Variants in GPM6A observed in about 807,000 individuals in gnomAD.
GPM6A encodes glycoprotein M6A, also known as neuronal membrane glycoprotein M6-a.
A neutral mutation model predicts 32.1 loss-of-function variants in GPM6A; 7 were observed. The observed-to-expected ratio is 0.22, with a 90% CI of 0.12 to 0.41. The LOEUF (loss-of-function observed/expected upper bound fraction) is 0.41. Among genes scored for constraint, GPM6A ranks in the 10% least tolerant of loss-of-function variants. GPM6A has a pLI of 1.00. For missense variants in GPM6A, 235 were observed against 347.2 expected, an observed-to-expected ratio of 0.68 and a Z score of 2.57; for synonymous variants, 130 against 123.4, an observed-to-expected ratio of 1.05 and a Z score of -0.35.
chr4:175,896,971 G>C (rs1040245690), intron 1 of GPM6A, among the ~76,000 whole-genome samples: 1 of 151,924 alleles, frequency 6.6e-6, no homozygotes, highest in African/African-American at 2.4e-5. Context: ...AATTCAAGAT[G>C]ATTAACTCAA....
intron 1 of GPM6A, among the ~76,000 whole-genome samples, chr4:175,849,547 C>A (rs1736188428): frequency 6.6e-6 from 1 of 152,182 alleles, no homozygotes; most frequent in African/African-American, 2.4e-5. Flanking sequence ...TTTGTTACTG[C>A]AGCATAATCT....
chr4:175,691,885 A>G (rs73002115), intron 2 of GPM6A, among the ~76,000 whole-genome samples: 7,169 of 152,296 alleles, frequency 0.047, 200 homozygotes, highest in Non-Finnish European at 0.063. Flanking sequence ...GGTCAAGTTC[A>G]GAGTGAGATT....
intron 1 of GPM6A, among the ~76,000 whole-genome samples, chr4:175,749,273 G>A (rs536802526): frequency 1.1e-4 from 16 of 152,104 alleles, no homozygotes; most frequent in East Asian, 3.9e-4. Context: ...ATCACTGATC[G>A]CAGATCACCA....
chr4:175,664,228 G>C (rs950684684), intron 3 of GPM6A, among the ~76,000 whole-genome samples: 25 of 152,086 alleles, frequency 1.6e-4, no homozygotes, highest in Non-Finnish European at 2.4e-4. Context: ...GGATTTTCAG[G>C]GCAGTGAAAC....
intron 1 of GPM6A, among the ~76,000 whole-genome samples, chr4:175,844,197 T>G (rs1387948584): frequency 6.6e-6 from 1 of 152,228 alleles, no homozygotes; most frequent in African/African-American, 2.4e-5. Context: ...AAACCTTCAA[T>G]GCCATTTTAA....
chr4:175,656,504 T>C (rs1264840315), intron 3 of GPM6A, among the ~76,000 whole-genome samples: 1 of 152,172 alleles, frequency 6.6e-6, no homozygotes, highest in Admixed American at 6.5e-5. Flanking sequence ...ATGTAATTAT[T>C]GTTTTGATGT....
chr4:175,827,486 G>A (rs141072576), intron 1 of GPM6A, among the ~76,000 whole-genome samples: 1 of 152,172 alleles, frequency 6.6e-6, no homozygotes, highest in Non-Finnish European at 1.5e-5. Flanking sequence ...AAACGGCAGA[G>A]CTGGGACTAG....
intron 1 of GPM6A, among the ~76,000 whole-genome samples, chr4:175,821,763 C>T (rs1357673481): frequency 2.0e-5 from 3 of 151,768 alleles, no homozygotes; most frequent in Non-Finnish European, 2.9e-5. Context: ...AGCAAAGGAA[C>T]ACATTATTGG....
intron 1 of GPM6A, among the ~76,000 whole-genome samples, chr4:175,945,071 G>GT (rs537586885): frequency 8.8e-4 from 133 of 151,838 alleles, no homozygotes; most frequent in Non-Finnish European, 1.6e-3. Context: ...AGAAAAGGGT[G>GT]TTTTTTAAAA....
At chr4:175,703,202 C>T (rs1028993179) in intron 1 of GPM6A, among the ~76,000 whole-genome samples, 1 of 151,408 alleles carries the variant, frequency 6.6e-6, no homozygotes, top group Admixed American at 6.6e-5. Context: ...GATGGAGTCT[C>T]ACTCTGTCAC....
intron 3 of GPM6A, among the ~76,000 whole-genome samples, chr4:175,662,498 G>C (rs534833742): frequency 1.3e-5 from 2 of 152,006 alleles, no homozygotes; most frequent in Non-Finnish European, 2.9e-5. Flanking sequence ...TACTAGGGAG[G>C]CTGAGGCAGG....
At chr4:175,831,989 G>T (rs1735630623) in intron 1 of GPM6A, among the ~76,000 whole-genome samples, 1 of 152,016 alleles carries the variant, frequency 6.6e-6, no homozygotes, top group East Asian at 1.9e-4. Context: ...AAAGTGCTGG[G>T]CTGACAGGCG....
At chr4:175,897,153 G>A (rs1190607219) in intron 1 of GPM6A, among the ~76,000 whole-genome samples, 2 of 152,120 alleles carry the variant, frequency 1.3e-5, no homozygotes, top group African/African-American at 4.8e-5. Context: ...ATTAGGAAAT[G>A]TAGGAAGCTG....
At chr4:175,731,312 G>A (rs1016595136) in intron 1 of GPM6A, among the ~76,000 whole-genome samples, 2 of 152,002 alleles carry the variant, frequency 1.3e-5, no homozygotes, top group Non-Finnish European at 2.9e-5. Context: ...GCACCCCAGT[G>A]CCTGCAATGC....
intron 1 of GPM6A, among the ~76,000 whole-genome samples, chr4:175,804,816 C>T (rs1041504787): frequency 7.2e-5 from 11 of 151,904 alleles, no homozygotes; most frequent in African/African-American, 9.7e-5. Context: ...GAGGCAGAGG[C>T]GGGCGGATCA....
chr4:175,778,627 C>CAAA (rs34286041), intron 1 of GPM6A, among the ~76,000 whole-genome samples: 3,356 of 74,318 alleles, frequency 0.045, no homozygotes, highest in East Asian at 0.054. Context: ...CTGTATCCAA[C>CAAA]AAAAAAAAAA....
At chr4:175,839,664 A>T (rs1391409814) in intron 1 of GPM6A, among the ~76,000 whole-genome samples, 1 of 152,202 alleles carries the variant, frequency 6.6e-6, no homozygotes, top group African/African-American at 2.4e-5. Context: ...CCAACATAGT[A>T]GGTACCACCT....
chr4:175,788,945 A>G (rs1168706141), intron 1 of GPM6A, among the ~76,000 whole-genome samples: 1 of 152,174 alleles, frequency 6.6e-6, no homozygotes, highest in Non-Finnish European at 1.5e-5. Flanking sequence ...TATGAAAATG[A>G]AACACTGCTG....
intron 1 of GPM6A, among the ~76,000 whole-genome samples, chr4:175,793,506 A>G (rs1734093260): frequency 6.6e-6 from 1 of 151,978 alleles, no homozygotes; most frequent in Non-Finnish European, 1.5e-5. Flanking sequence ...CCTCCTGAGT[A>G]GCTGGGAATA....
Sources: allele counts gnomAD v4.1 joint callset (sites outside exome capture counted in the v4.1 genomes callset), GRCh38; gene constraint gnomAD v4.1.1; transcripts MANE v1.5; gene names NCBI Gene and HGNC (gene_info 2026-07-23, HGNC 2026-07-21).